The following DCDC2C variants were observed in gnomAD, a reference collection of about 807,000 sequenced individuals.
The protein encoded by DCDC2C is doublecortin domain-containing protein 2C.
A neutral mutation model predicts 45.0 loss-of-function variants in DCDC2C; 44 were observed. The observed-to-expected ratio is 0.98, with a 90% CI of 0.77 to 1.26. The LOEUF is 1.26. DCDC2C is among the 50% of genes most tolerant of loss of function. The pLI is 0.00. For missense variants in DCDC2C, 447 were observed against 468.9 expected (o/e 0.95, Z 0.43); for synonymous variants, 187 against 178.8 (o/e 1.05, Z -0.37).
intron 10 of DCDC2C, among the ~76,000 whole-genome samples, chr2:3,799,684 G>T (rs557132738): frequency 1.1e-4 from 16 of 152,378 alleles, no homozygotes; most frequent in East Asian, 7.7e-4. Context: ...CTGCTCGGGG[G>T]TCAGGGGTCA....
rs1010537252 is a variant in DCDC2C at position 3,818,263 on chromosome 2, T to C, written c.1066-28891T>C. On this transcript the variant is annotated intron_variant, in intron 10 of 10. Transcript: ENST00000399143. This position sits in a 1 kb window ranked among gnomAD's most constrained non-coding sequence, Gnocchi z 4.7. ...AATGAGGGCTGTCCATGAAGCCTTG[T>C]GGCAGTACAGCCCAGGTAATTTGCT... 7.9e-5 allele frequency among the ~76,000 whole-genome samples: 12 copies of C among 152,208 alleles called. No homozygotes were observed. The highest frequency in any genetic ancestry group is 2.4e-5 in the African/African-American group (1 of 41,448).
intron 10 of DCDC2C, among the ~76,000 whole-genome samples, chr2:3,808,615 C>T (rs1211804546): frequency 6.6e-6 from 1 of 152,182 alleles, no homozygotes; most frequent in Non-Finnish European, 1.5e-5. Flanking sequence ...TGGTCTCGAT[C>T]TCCTGACCTG....
At chr2:3,827,763 T>C (rs1312687307) in intron 10 of DCDC2C, among the ~76,000 whole-genome samples, 4 of 152,096 alleles carry the variant, frequency 2.6e-5, no homozygotes, top group African/African-American at 9.7e-5. Context: ...CCCCTAGATA[T>C]TAAAATATAA....
At chr2:3,841,119 T>A (rs1238098581) in intron 10 of DCDC2C, among the ~76,000 whole-genome samples, 3 of 152,214 alleles carry the variant, frequency 2.0e-5, no homozygotes, top group Non-Finnish European at 4.4e-5. Context: ...CATTTATTCT[T>A]ATAATATTTT....
chr2:3,765,410 C>G (rs1032590239), intron 6 of DCDC2C, among the ~76,000 whole-genome samples: 3 of 152,118 alleles, frequency 2.0e-5, no homozygotes, highest in Admixed American at 6.5e-5. Context: ...GATGAGCTGT[C>G]ATAAGAAGAA....
At chr2:3,817,122 C>T (rs1435178070) in intron 10 of DCDC2C, among the ~76,000 whole-genome samples, 1 of 152,142 alleles carries the variant, frequency 6.6e-6, no homozygotes, top group Non-Finnish European at 1.5e-5. Context: ...AGGAGAAAAA[C>T]TGCCGTGAGG....
At chr2:3,842,257 A>G (rs1326106658) in intron 10 of DCDC2C, among the ~76,000 whole-genome samples, 1 of 152,112 alleles carries the variant, frequency 6.6e-6, no homozygotes, top group Non-Finnish European at 1.5e-5. Context: ...CGTAAGAGAG[A>G]TAAGTGTTAA....
At chr2:3,802,079 T>C (rs533805083) in intron 10 of DCDC2C, among the ~76,000 whole-genome samples, 67 of 152,220 alleles carry the variant, frequency 4.4e-4, no homozygotes, top group Non-Finnish European at 7.6e-4. Context: ...CATTTGTTTT[T>C]CCTGTGTGGA....
At chr2:3,807,353 C>A (rs1179128192) in intron 10 of DCDC2C, among the ~76,000 whole-genome samples, 1 of 152,156 alleles carries the variant, frequency 6.6e-6, no homozygotes, top group Non-Finnish European at 1.5e-5. Flanking sequence ...TGTGCCCAGG[C>A]AGGGGGCTGG....
chr2:3,744,796 G>T (rs942591651), intron 4 of DCDC2C, among the ~76,000 whole-genome samples: 1 of 152,202 alleles, frequency 6.6e-6, no homozygotes, highest in Non-Finnish European at 1.5e-5. Context: ...GAGTAACCTC[G>T]TGGCAGTGGC....
intron 10 of DCDC2C, among the ~76,000 whole-genome samples, chr2:3,835,086 G>C (rs1672043168): frequency 1.3e-5 from 2 of 152,140 alleles, no homozygotes; most frequent in African/African-American, 4.8e-5. Flanking sequence ...AAATACACGA[G>C]TTTGCCTTCC....
intron 6 of DCDC2C, among the ~76,000 whole-genome samples, chr2:3,764,322 T>C (rs1325164252): frequency 6.6e-6 from 1 of 152,244 alleles, no homozygotes; most frequent in Non-Finnish European, 1.5e-5. Context: ...TCCATGGAAT[T>C]AACATTTTGT....
At chr2:3,840,556 C>T (rs1452868076) in intron 10 of DCDC2C, among the ~76,000 whole-genome samples, 1 of 152,192 alleles carries the variant, frequency 6.6e-6, no homozygotes, top group African/African-American at 2.4e-5. Context: ...GAAATCGGCC[C>T]TAAATGCTCT....
intron 8 of DCDC2C, among the ~76,000 whole-genome samples, chr2:3,777,127 A>G (rs550114370): frequency 6.6e-6 from 1 of 152,212 alleles, no homozygotes; most frequent in Non-Finnish European, 1.5e-5. Context: ...TTCTTCCTGC[A>G]ACAGGGCTGT....
At chr2:3,821,022 G>A (rs1249369942) in intron 10 of DCDC2C, among the ~76,000 whole-genome samples, 1 of 152,156 alleles carries the variant, frequency 6.6e-6, no homozygotes. Context: ...ATTTCACCTG[G>A]TTGCAGGCGG....
At chr2:3,766,301 C>T (rs1175127630) in intron 6 of DCDC2C, among the ~76,000 whole-genome samples, 3 of 146,574 alleles carry the variant, frequency 2.0e-5, no homozygotes, top group Non-Finnish European at 4.5e-5. Flanking sequence ...CATACACATA[C>T]ACACACACGC....
intron 10 of DCDC2C, among the ~76,000 whole-genome samples, chr2:3,797,124 C>A (rs1250096458): frequency 1.3e-5 from 2 of 152,104 alleles, no homozygotes; most frequent in Non-Finnish European, 2.9e-5. Flanking sequence ...AGGAATTTAT[C>A]CATTTCTTCT....
chr2:3,828,354 G>A (rs577171815), intron 10 of DCDC2C, among the ~76,000 whole-genome samples: 2 of 152,232 alleles, frequency 1.3e-5, no homozygotes, highest in African/African-American at 4.8e-5. Context: ...TGCAGGGCGG[G>A]TGCCGCTCAC....
chr2:3,718,576 T>G (rs530567038), intron 2 of DCDC2C, among the ~76,000 whole-genome samples: 1 of 152,264 alleles, frequency 6.6e-6, no homozygotes, highest in Non-Finnish European at 1.5e-5. Flanking sequence ...GCTGATGCTC[T>G]CTGAGAAAGT....
Sources: gnomAD v4.1 joint callset for allele counts (sites outside exome capture counted in the v4.1 genomes callset) on GRCh38, gnomAD v4.1.1 for gene constraint, Gnocchi (gnomAD v3.1) non-coding constraint, MANE v1.5 for transcripts, NCBI Gene and HGNC (gene_info 2026-07-23, HGNC 2026-07-21) for gene names.